The following FHIT variants were observed in gnomAD, a reference collection of about 807,000 sequenced individuals.
FHIT encodes fragile histidine triad diadenosine triphosphatase, also known as bis(5'-adenosyl)-triphosphatase.
A neutral mutation model predicts 17.9 loss-of-function variants in FHIT; 19 were observed. The observed-to-expected ratio is 1.06, with a 90% CI of 0.74 to 1.56. The LOEUF (loss-of-function observed/expected upper bound fraction) is 1.56. Ranked by LOEUF, FHIT falls within the 40% of genes most tolerant of loss-of-function variation. The probability of loss-of-function intolerance (pLI) is 0.00; values close to 1 mark genes in which losing one functional copy is unlikely to be tolerated. For missense variants in FHIT, 248 were observed against 189.2 expected, an observed-to-expected ratio of 1.31 and a Z score of -1.82; for synonymous variants, 81 against 69.7, an observed-to-expected ratio of 1.16 and a Z score of -0.81.
intron 2 of FHIT, among the ~76,000 whole-genome samples, chr3:61,076,687 A>G (rs2034982918): frequency 1.3e-5 from 2 of 152,204 alleles, no homozygotes; most frequent in Non-Finnish European, 2.9e-5. Context: ...CAATACCATG[A>G]GCTAGAAATA....
At chr3:60,415,295 T>C (rs772465731) in intron 5 of FHIT, among the ~76,000 whole-genome samples, 2 of 152,082 alleles carry the variant, frequency 1.3e-5, no homozygotes, top group Non-Finnish European at 2.9e-5. Flanking sequence ...GATGAGAAAA[T>C]GGGATTCAGC....
At chr3:60,798,368 C>G (rs960748498) in intron 4 of FHIT, among the ~76,000 whole-genome samples, 21 of 151,998 alleles carry the variant, frequency 1.4e-4, no homozygotes, top group Non-Finnish European at 2.8e-4. Context: ...TGTCATCAGC[C>G]CAATAACAGA....
intron 5 of FHIT, among the ~76,000 whole-genome samples, chr3:60,382,275 C>G (rs1700831054): frequency 6.6e-6 from 1 of 152,188 alleles, no homozygotes; most frequent in Non-Finnish European, 1.5e-5. Flanking sequence ...AAACATGGCT[C>G]ATAAGAACTT....
intron 3 of FHIT, among the ~76,000 whole-genome samples, chr3:60,975,532 CCAAA>C (rs1293245800): frequency 2.0e-5 from 3 of 152,068 alleles, no homozygotes; most frequent in Non-Finnish European, 1.5e-5. Context: ...TTCAAAATCC[CCAAA>C]CAAATGAGAA....
At chr3:60,622,145 G>T (rs1047720471) in intron 4 of FHIT, among the ~76,000 whole-genome samples, 1 of 152,214 alleles carries the variant, frequency 6.6e-6, no homozygotes, top group South Asian at 2.1e-4. Context: ...GAAAACCCGG[G>T]CAAGCCTCCA....
chr3:60,664,234 A>T (rs1228992555), intron 4 of FHIT, among the ~76,000 whole-genome samples: 2 of 152,080 alleles, frequency 1.3e-5, no homozygotes, highest in Non-Finnish European at 2.9e-5. Context: ...GTGTTTCCTC[A>T]ATGAATTTTC....
chr3:60,420,180 T>C (rs1702417050), intron 5 of FHIT, among the ~76,000 whole-genome samples: 2 of 152,158 alleles, frequency 1.3e-5, no homozygotes, highest in African/African-American at 4.8e-5. Flanking sequence ...TAAAGGCTTT[T>C]TTACTGAAGG....
intron 7 of FHIT, among the ~76,000 whole-genome samples, chr3:59,926,089 A>G (rs1336353783): frequency 6.6e-6 from 1 of 152,232 alleles, no homozygotes; most frequent in Non-Finnish European, 1.5e-5. Flanking sequence ...CTAGAAGAGT[A>G]TCTTTTTAAA....
intron 4 of FHIT, among the ~76,000 whole-genome samples, chr3:60,616,162 T>C (rs1553675817): frequency 6.6e-6 from 1 of 152,208 alleles, no homozygotes. Context: ...TGTGTGTATA[T>C]TTTAGGTAGT....
At chr3:60,375,681 G>T (rs558479391) in intron 5 of FHIT, among the ~76,000 whole-genome samples, 8 of 152,252 alleles carry the variant, frequency 5.3e-5, no homozygotes, top group Non-Finnish European at 1.0e-4. Flanking sequence ...GTTAGTTGTA[G>T]TTACTTTCAT....
rs1553690214 is a variant in FHIT, at chr3:60,121,709, A to AAACAAAAACACAC, written c.104-107558_104-107557insGTGTGTTTTTGTT. 1.3e-3 allele frequency among the ~76,000 whole-genome samples: 157 copies of AAACAAAAACACAC among 116,408 alleles called. 1 individual carries two copies. The highest frequency in any genetic ancestry group is 4.7e-3 in the Middle Eastern group (1 of 214). 76.4% of individuals were successfully genotyped at this position (116,408 alleles called of 152,430 possible). A position where few individuals can be genotyped will look rare whatever the true frequency, so the allele number is the denominator to read the frequency against. ...AAAAAACAAACAAACAAACAAAACA[A>AAACAAAAACACAC]ACACACACACACACACACACACACA... On this transcript the variant is annotated intron_variant, in intron 5 of 9. Coordinates refer to ENST00000492590, the MANE Select transcript of FHIT (RefSeq NM_002012.4).
intron 5 of FHIT, among the ~76,000 whole-genome samples, chr3:60,112,045 G>A (rs777382538): frequency 6.6e-6 from 1 of 152,178 alleles, no homozygotes; most frequent in African/African-American, 2.4e-5. Context: ...CACACACTAA[G>A]ATAAGTGGCT....
chr3:61,045,680 A>G (rs989467718), intron 2 of FHIT, among the ~76,000 whole-genome samples: 4 of 152,194 alleles, frequency 2.6e-5, no homozygotes, highest in African/African-American at 7.2e-5. Flanking sequence ...AATCAACAAA[A>G]TATACTTTCT....
chr3:60,842,650 T>A (rs1278065559), intron 3 of FHIT, among the ~76,000 whole-genome samples: 36,313 of 100,668 alleles, frequency 0.36, 6,248 homozygotes, highest in Non-Finnish European at 0.4. Context: ...TATATATTTT[T>A]TTTTTTTTTT....
intron 8 of FHIT, among the ~76,000 whole-genome samples, chr3:59,839,079 G>T (rs1334286920): frequency 6.6e-6 from 1 of 152,104 alleles, no homozygotes; most frequent in Non-Finnish European, 1.5e-5. Flanking sequence ...CATTTTGGGA[G>T]GCCGAGGCAG....
chr3:61,178,113 G>A (rs560594158), intron 2 of FHIT, among the ~76,000 whole-genome samples: 5 of 152,252 alleles, frequency 3.3e-5, no homozygotes, highest in East Asian at 1.9e-4. Flanking sequence ...CGTTAATCAC[G>A]AAATCCCTAT....
At chr3:60,387,462 G>A (rs560651851) in intron 5 of FHIT, among the ~76,000 whole-genome samples, 1 of 152,300 alleles carries the variant, frequency 6.6e-6, no homozygotes, top group African/African-American at 2.4e-5. Context: ...AGGCTCCTTG[G>A]TGGTTGCGGT....
rs572558137 is a variant in FHIT, at chr3:60,592,190, C to G, written c.-17-55211G>C. ...ATATTATTATATATATATTATCTCT[C>G]TATATATTCTCTATATGTAACCTCT... is the stretch of plus-strand genomic sequence containing the variant. On this transcript the variant is annotated intron_variant, in intron 4 of 9. Transcript: ENST00000492590. Among the ~76,000 whole-genome samples the G allele has an allele frequency of 5.4e-5, 8 of 146,810 alleles. No homozygotes were observed. In the East Asian group the frequency reaches 1.2e-3, roughly 22 times the overall value.
At chr3:59,841,410 A>G (rs1415477178) in intron 8 of FHIT, among the ~76,000 whole-genome samples, 1 of 152,184 alleles carries the variant, frequency 6.6e-6, no homozygotes, top group African/African-American at 2.4e-5. Context: ...CTGCTTCCCT[A>G]AAGACCATAC....
Sources: allele counts gnomAD v4.1 joint callset (sites outside exome capture counted in the v4.1 genomes callset), GRCh38; gene constraint gnomAD v4.1.1; transcripts MANE v1.5; gene names NCBI Gene and HGNC (gene_info 2026-07-23, HGNC 2026-07-21).